The following CCDC102B variants were observed in gnomAD, a reference collection of about 807,000 sequenced individuals.
CCDC102B encodes the protein coiled-coil domain-containing protein 102B.
In CCDC102B, 75 loss-of-function variants were observed where a neutral mutation model predicts 57.4. That is an observed-to-expected ratio of 1.31 (90% CI 1.08 to 1.58). The LOEUF is 1.58. Among genes scored for constraint, CCDC102B ranks in the 40% most tolerant of loss-of-function variants. The pLI, the probability that CCDC102B is intolerant of heterozygous loss-of-function variation, is 0.00. For missense variants in CCDC102B, 636 were observed against 582.6 expected (o/e 1.09, Z -0.94); for synonymous variants, 206 against 201.9 (o/e 1.02, Z -0.17).
rs376899846 is a variant in CCDC102B at position 68,733,186 on chromosome 18, G to A, written c.-67+16592G>A. ...TTAATGAGGTGGGTCTGAAAGAATA[G>A]TACCAAGGACTGATGCCTTTCACAC... On this transcript the variant is annotated intron_variant, in intron 2 of 3. Coordinates refer to the CCDC102B transcript ENST00000578970. 4.6e-5 allele frequency among the ~76,000 whole-genome samples: 7 copies of A among 152,228 alleles called. No individual in the cohort carries two copies. In the South Asian group the frequency reaches 8.3e-4, roughly 18 times the overall value.
intron 1 of CCDC102B, among the ~76,000 whole-genome samples, chr18:68,807,643 A>G (rs2036080643): frequency 1.3e-5 from 2 of 152,282 alleles, no homozygotes; most frequent in East Asian, 3.9e-4. Context: ...TGAGAAATAC[A>G]AACACTGAGT....
downstream of CCDC102B, among the ~76,000 whole-genome samples, chr18:69,057,868 T>G (rs111282079): frequency 0.052 from 7,909 of 152,026 alleles, 705 homozygotes; most frequent in African/African-American, 0.18. Flanking sequence ...TTAGGTTCAG[T>G]GGGTACATGT....
intron 2 of CCDC102B, among the ~76,000 whole-genome samples, chr18:68,721,866 T>TA (rs2032348381): frequency 6.6e-6 from 1 of 152,222 alleles, no homozygotes; most frequent in Non-Finnish European, 1.5e-5. Context: ...GTTCTGAAGT[T>TA]GCGTTTCATC....
chr18:68,771,869 TAC>T (rs57733183), intron 2 of CCDC102B, among the ~76,000 whole-genome samples: 1,566 of 142,070 alleles, frequency 0.011, 16 homozygotes, highest in East Asian at 0.032. Flanking sequence ...TACTCTGAAA[TAC>T]ACACACACAC....
At chr18:68,907,737 CAT>C (rs917485835) in intron 6 of CCDC102B, among the ~76,000 whole-genome samples, 14 of 152,120 alleles carry the variant, frequency 9.2e-5, no homozygotes, top group African/African-American at 1.9e-4. Context: ...TTATCTTACA[CAT>C]GTTTTACTTT....
intron 1 of CCDC102B, among the ~76,000 whole-genome samples, chr18:68,833,109 C>G (rs930153674): frequency 6.6e-6 from 1 of 152,204 alleles, no homozygotes; most frequent in African/African-American, 2.4e-5. Flanking sequence ...ATAGTGAAAA[C>G]AGTTGATATT....
At chr18:68,964,539 A>G (rs187208874) in intron 6 of CCDC102B, among the ~76,000 whole-genome samples, 1 of 151,726 alleles carries the variant, frequency 6.6e-6, no homozygotes, top group East Asian at 1.9e-4. Context: ...TTCCAGCTAT[A>G]TTATCTATTG....
Position 68,775,327 on chromosome 18 carries a change from TAGTG to T in CCDC102B, c.-66-48036_-66-48033del, listed in dbSNP as rs1275572624. The stretch of plus-strand genomic sequence containing the variant: ...TAAAGGTATATTTAATTTTGCTAGA[TAGTG>T]AGAAATTCCTTTTATTATATAAGGT... On this transcript the variant is annotated intron_variant, in intron 2 of 3. Coordinates refer to the CCDC102B transcript ENST00000578970. Among the ~76,000 whole-genome samples the T allele has an allele frequency of 5.9e-5, 9 of 152,294 alleles. No homozygotes were observed. The East Asian group carries it at 1.5e-3, about 26-fold the overall frequency.
At chr18:68,827,683 C>T (rs538705112) in intron 1 of CCDC102B, among the ~76,000 whole-genome samples, 42 of 151,906 alleles carry the variant, frequency 2.8e-4, no homozygotes, top group African/African-American at 8.9e-4. Context: ...CCTAAATAGA[C>T]GAGGTAGAAG....
At chr18:68,911,020 A>G (rs915595617) in intron 6 of CCDC102B, among the ~76,000 whole-genome samples, 2 of 152,196 alleles carry the variant, frequency 1.3e-5, no homozygotes, top group Admixed American at 1.3e-4. Context: ...TGTGGAAAGC[A>G]GTGTGGTGAT....
At chr18:69,053,981 A>G (rs1253366839) in intron 7 of CCDC102B, 49 bp from the exon 8 acceptor site, 2 of 1,408,050 alleles carry the variant, frequency 1.4e-6, no homozygotes, top group Non-Finnish European at 2.0e-6. Flanking sequence ...ACCATGATGT[A>G]CTATAGAACA....
At chr18:68,988,958 C>T (rs1599801922) in intron 6 of CCDC102B, among the ~76,000 whole-genome samples, 1 of 152,126 alleles carries the variant, frequency 6.6e-6, no homozygotes, top group Non-Finnish European at 1.5e-5. Context: ...GAGTTATGTC[C>T]TCAAACCTTG....
intron 1 of CCDC102B, among the ~76,000 whole-genome samples, chr18:68,824,294 A>T (rs2036817398): frequency 6.6e-6 from 1 of 152,202 alleles, no homozygotes; most frequent in African/African-American, 2.4e-5. Flanking sequence ...TCCCAGTAAC[A>T]TGTATTGCAC....
intron 2 of CCDC102B, among the ~76,000 whole-genome samples, chr18:68,718,857 A>G (rs754855894): frequency 6.6e-6 from 1 of 152,176 alleles, no homozygotes; most frequent in Non-Finnish European, 1.5e-5. Context: ...AGGGAAAATA[A>G]TTTCAGAAAA....
intron 6 of CCDC102B, among the ~76,000 whole-genome samples, chr18:68,934,246 C>T (rs976503149): frequency 1.5e-4 from 23 of 151,878 alleles, no homozygotes; most frequent in African/African-American, 5.6e-4. Context: ...TGTCGGCAAA[C>T]TCTATGAAGA....
chr18:69,018,659 G>A (rs1041652341), intron 7 of CCDC102B, among the ~76,000 whole-genome samples: 1 of 152,016 alleles, frequency 6.6e-6, no homozygotes, highest in Non-Finnish European at 1.5e-5. Context: ...ATTTTAAAAT[G>A]AATTTTAATA....
At chr18:68,735,222 TTG>T (rs2033073247) in intron 2 of CCDC102B, among the ~76,000 whole-genome samples, 1 of 14,836 alleles carries the variant, frequency 6.7e-5, no homozygotes, top group East Asian at 4.2e-3. Context: ...CGGCTAATTT[TTG>T]TATTTTTTTT....
intron 6 of CCDC102B, among the ~76,000 whole-genome samples, chr18:68,929,622 T>C (rs1373432526): frequency 6.6e-6 from 1 of 151,956 alleles, no homozygotes; most frequent in African/African-American, 2.4e-5. Context: ...GTGTGTCCAG[T>C]CATTTCAGTG....
At position 69,022,217 on chromosome 18, in the gene CCDC102B, ATATAT is replaced by A. The variant is rs1568131126; in HGVS notation, c.1434+11114_1434+11118del. Among the ~76,000 whole-genome samples, 362 of 51,264 alleles carry A rather than the reference ATATAT, an allele frequency of 7.1e-3. 5 individuals are homozygous for A. In the East Asian group the frequency reaches 0.1, roughly 14 times the overall value. The allele number at this position is 51,264 out of a possible 152,430, so 33.6% of individuals were successfully genotyped here. Reference sequence around the variant, plus strand: ...CCTATATATATATATATATATATATATATATAACACACACACACGCGTGCGTGTGC... The same window carrying A: ...CCTATATATATATATATATATATATAAACACACACACACGCGTGCGTGTGC... On this transcript the variant is annotated intron_variant, in intron 7 of 7. Transcript: ENST00000360242.
Sources: gnomAD v4.1 joint callset for allele counts (sites outside exome capture counted in the v4.1 genomes callset) on GRCh38, gnomAD v4.1.1 for gene constraint, MANE v1.5 for transcripts, NCBI Gene and HGNC (gene_info 2026-07-23, HGNC 2026-07-21) for gene names.